Variants in SRRM4 observed in about 807,000 individuals in gnomAD.
SRRM4 encodes serine/arginine repetitive matrix 4.
In SRRM4, 33 loss-of-function variants were observed where a neutral mutation model predicts 68.9. That is an observed-to-expected ratio of 0.48 (90% CI 0.36 to 0.64). The LOEUF is 0.64. Among genes scored for constraint, SRRM4 ranks in the 30% least tolerant of loss-of-function variants. SRRM4 has a pLI of 0.00. For synonymous variants in SRRM4, 318 were observed against 318.8 expected (o/e 1.00, Z 0.03); for missense variants, 817 against 827.1 (o/e 0.99, Z 0.15).
At position 119,154,267 on chromosome 12, in the gene SRRM4, G is replaced by A; in HGVS notation, c.1416G>A (p.Glu472=). 6.2e-7 allele frequency: 1 copy of A among 1,609,144 alleles called. No individual in the cohort carries two copies. The highest frequency in any genetic ancestry group is 8.5e-7 in the Non-Finnish European group (1 of 1,177,786). ...GGGAGCGGGATCCCAAATACAGTGA[G>A]AAGGACTCGCAGCAGCGGGAGCGCG... ...PSRERDPKYS[E]KDSQQRERER... Residue 472 remains glutamate, a synonymous_variant, in exon 12 of 13, where the codon GAG becomes GAA. Coordinates refer to ENST00000267260, the MANE Select transcript of SRRM4 (RefSeq NM_194286.4). This position sits in a 1 kb window ranked among gnomAD's most constrained non-coding sequence, Gnocchi z 4.7.
intron 1 of SRRM4, among the ~76,000 whole-genome samples, chr12:119,048,546 T>C (rs1953721963): frequency 6.6e-6 from 1 of 152,108 alleles, no homozygotes; most frequent in South Asian, 2.1e-4. Flanking sequence ...CGGGTTCAAA[T>C]CCTGCCACCA....
intron 8 of SRRM4, 66 bp from the exon 9 acceptor site, chr12:119,145,315 T>G: frequency 7.4e-7 from 1 of 1,352,782 alleles, no homozygotes; most frequent in South Asian, 1.4e-5. Flanking sequence ...AAACATTTCT[T>G]GGTTATTTAG....
At chr12:119,112,986 A>AG (rs1565910862) in intron 2 of SRRM4, among the ~76,000 whole-genome samples, 1 of 152,170 alleles carries the variant, frequency 6.6e-6, no homozygotes, top group Non-Finnish European at 1.5e-5. Flanking sequence ...TTAAAAAAAA[A>AG]CAGCACATCA....
intron 1 of SRRM4, 100 bp downstream of exon 1, chr12:118,982,113 G>T: frequency 7.0e-7 from 1 of 1,438,478 alleles, no homozygotes; most frequent in East Asian, 2.5e-5. Flanking sequence ...GGGCCAGGGC[G>T]CCTGTCTTTT....
At chr12:118,982,136 CG>C in intron 1 of SRRM4, 123 bp downstream of exon 1, 1 of 1,220,376 alleles carries the variant, frequency 8.2e-7, no homozygotes, top group Non-Finnish European at 1.1e-6. Context: ...CGTCACTACT[CG>C]GCGGCTCCCG....
chr12:119,070,919 T>A (rs1302868535), intron 1 of SRRM4, among the ~76,000 whole-genome samples: 1 of 152,176 alleles, frequency 6.6e-6, no homozygotes, highest in Non-Finnish European at 1.5e-5. Context: ...CCGTCTTTAC[T>A]CCACTGCCTC....
intron 1 of SRRM4, among the ~76,000 whole-genome samples, chr12:119,053,852 C>T (rs1386285182): frequency 1.3e-5 from 2 of 152,186 alleles, no homozygotes; most frequent in East Asian, 1.9e-4. Context: ...AATGCAGTAT[C>T]CATCCCCTTA....
intron 1 of SRRM4, among the ~76,000 whole-genome samples, chr12:119,021,529 C>A (rs1953515643): frequency 6.6e-6 from 1 of 152,154 alleles, no homozygotes; most frequent in South Asian, 2.1e-4. Context: ...TGTGTGCACA[C>A]CAGTGTGCAC....
intron 1 of SRRM4, chr12:119,069,594 C>G (rs1953865775): frequency 1.3e-5 from 2 of 152,144 alleles, no homozygotes; most frequent in South Asian, 4.1e-4. Flanking sequence ...CTACAAGCCA[C>G]TAGAGGATGT....
At chr12:119,041,407 C>A (rs1953668189) in intron 1 of SRRM4, among the ~76,000 whole-genome samples, 2 of 152,164 alleles carry the variant, frequency 1.3e-5, no homozygotes, top group Non-Finnish European at 2.9e-5. Context: ...TTCTGAAGAT[C>A]CAGTGAAATG....
chr12:119,099,763 G>A (rs1954067332), intron 1 of SRRM4, among the ~76,000 whole-genome samples: 1 of 152,172 alleles, frequency 6.6e-6, no homozygotes, highest in Non-Finnish European at 1.5e-5. Context: ...AGTTGGTGCT[G>A]ACTGTTGGCA....
chr12:119,111,364 TTGA>T (rs1170192479), intron 2 of SRRM4, among the ~76,000 whole-genome samples: 1 of 151,968 alleles, frequency 6.6e-6, no homozygotes, highest in Non-Finnish European at 1.5e-5. Flanking sequence ...ATTGAGGGAG[TTGA>T]TGATCCCCAT....
intron 1 of SRRM4, among the ~76,000 whole-genome samples, chr12:119,031,951 A>C (rs1354442825): frequency 6.6e-6 from 1 of 152,234 alleles, no homozygotes; most frequent in East Asian, 1.9e-4. Context: ...CAAACCCAGC[A>C]ATATTTACTT....
intron 9 of SRRM4, among the ~76,000 whole-genome samples, chr12:119,150,772 C>T (rs1240608054): frequency 6.6e-6 from 1 of 152,210 alleles, no homozygotes; most frequent in East Asian, 1.9e-4. Context: ...CACTGTGGCC[C>T]CAGCGGTATG....
At chr12:119,125,753 C>G (rs1404127871) in intron 7 of SRRM4, among the ~76,000 whole-genome samples, 1 of 151,966 alleles carries the variant, frequency 6.6e-6, no homozygotes, top group African/African-American at 2.4e-5. Flanking sequence ...AACCCTGTCT[C>G]TACTAAAAAT....
chr12:119,066,300 C>T (rs1438486199), intron 1 of SRRM4, among the ~76,000 whole-genome samples: 1 of 152,136 alleles, frequency 6.6e-6, no homozygotes, highest in Non-Finnish European at 1.5e-5. Flanking sequence ...ACAGTGTTGA[C>T]ATTACCAATC....
At chr12:119,122,917 C>G (rs1029171970) in intron 6 of SRRM4, among the ~76,000 whole-genome samples, 6 of 152,118 alleles carry the variant, frequency 3.9e-5, no homozygotes, top group Middle Eastern at 3.2e-3. Flanking sequence ...GGGGCCCCAG[C>G]TGTTTCACAG....
intron 1 of SRRM4, among the ~76,000 whole-genome samples, chr12:119,033,048 T>C (rs1466052824): frequency 6.6e-6 from 1 of 152,212 alleles, no homozygotes; most frequent in Admixed American, 6.5e-5. Context: ...TGTTGACTTT[T>C]TTCAAGATCC....
At chr12:119,108,888 C>T (rs1234251778) in intron 2 of SRRM4, among the ~76,000 whole-genome samples, 1 of 152,118 alleles carries the variant, frequency 6.6e-6, no homozygotes, top group Non-Finnish European at 1.5e-5. Flanking sequence ...TTATTTTGCT[C>T]TTTAGTTGAT....
Sources: allele counts gnomAD v4.1 joint callset (sites outside exome capture counted in the v4.1 genomes callset), GRCh38; gene constraint gnomAD v4.1.1; non-coding constraint Gnocchi (gnomAD v3.1); transcripts MANE v1.5; gene names NCBI Gene and HGNC (gene_info 2026-07-23, HGNC 2026-07-21).